Variants in CENPE observed in about 807,000 individuals in gnomAD.
The protein encoded by CENPE is centromere-associated protein E.
CENPE carries 145 observed loss-of-function variants against 336.1 expected under a neutral mutation model. The observed-to-expected ratio is 0.43, with a 90% CI of 0.38 to 0.50. CENPE has a LOEUF of 0.50. Ranked by LOEUF, CENPE falls within the 20% of genes least tolerant of loss-of-function variation. The probability of loss-of-function intolerance (pLI) is 0.00; values close to 1 mark genes in which losing one functional copy is unlikely to be tolerated. For missense variants in CENPE, 2,719 were observed against 3,023.3 expected (o/e 0.90, Z 2.36); for synonymous variants, 1,013 against 984.8 (o/e 1.03, Z -0.54).
chr4:103,135,928 T>G (rs1752029314), intron 40 of CENPE, among the ~76,000 whole-genome samples: 1 of 152,222 alleles, frequency 6.6e-6, no homozygotes, highest in Admixed American at 6.5e-5. Flanking sequence ...AACTCACATC[T>G]GCCTCCTGAA....
At chr4:103,112,659 T>C (rs561748455) in intron 46 of CENPE, among the ~76,000 whole-genome samples, 1 of 135,706 alleles carries the variant, frequency 7.4e-6, no homozygotes, top group East Asian at 2.1e-4. Context: ...CTTATAAGTA[T>C]ATATAAGTCT....
At chr4:103,174,628 T>G in intron 16 of CENPE, 108 bp downstream of exon 16, 1 of 722,066 alleles carries the variant, frequency 1.4e-6, no homozygotes, top group Non-Finnish European at 2.1e-6. Context: ...ACATAAAATG[T>G]TATCTGTACA....
intron 11 of CENPE, among the ~76,000 whole-genome samples, 189 bp downstream of exon 11, chr4:103,182,573 A>C (rs1756413574): frequency 2.0e-5 from 3 of 152,194 alleles, no homozygotes; most frequent in African/African-American, 7.2e-5. Flanking sequence ...GTGTGGCAAA[A>C]ATTATGAAGG....
chr4:103,124,957 C>T (rs1750968810), intron 42 of CENPE, among the ~76,000 whole-genome samples: 1 of 152,132 alleles, frequency 6.6e-6, no homozygotes. Context: ...AGTAGAAATC[C>T]CTGCTTTCTA....
At chr4:103,139,329 CT>C (rs1434475469) in intron 38 of CENPE, among the ~76,000 whole-genome samples, 4 of 152,050 alleles carry the variant, frequency 2.6e-5, no homozygotes, top group Non-Finnish European at 4.4e-5. Flanking sequence ...ATATATGATT[CT>C]GAATATCTAT....
Position 103,159,299 on chromosome 4 carries a change from T to C in CENPE, c.2312A>G (p.His771Arg), listed in dbSNP as rs774151339. ...KEIQDKSEEL[H>R]IITSEKDKLF... Reference sequence around the variant, plus strand: ...TTTATCTTTTTCTGATGTTATTATATGGAGCTCTTCAGATTTGTCTTGTAT... The same window carrying C: ...TTTATCTTTTTCTGATGTTATTATACGGAGCTCTTCAGATTTGTCTTGTAT... Residue 771 changes from histidine to arginine, a missense_variant, in exon 22 of 49, where the codon CAT (histidine) becomes CGT (arginine). This residue lies in a region of CENPE where 2,437 missense variants were observed against 2,513.3 expected (regional missense o/e 0.97). Coordinates refer to ENST00000265148, the MANE Select transcript of CENPE (RefSeq NM_001813.3). 1.4e-5 allele frequency: 22 copies of C among 1,540,836 alleles called. No individual in the cohort carries two copies. Among genetic ancestry groups the C allele is most frequent in the Admixed American group, 2.1e-5 (1 of 48,450 alleles).
Position 103,191,585 on chromosome 4 carries a change from T to G in CENPE, c.693+2644A>C, listed in dbSNP as rs1353428379. Among the ~76,000 whole-genome samples, 307 of 132,864 alleles carry G rather than the reference T, an allele frequency of 2.3e-3. 2 individuals carry two copies. Among genetic ancestry groups the G allele is most frequent in the Non-Finnish European group, 3.9e-3 (258 of 65,614 alleles). 87.2% of individuals were successfully genotyped at this position (132,864 alleles called of 152,430 possible). A position where few individuals can be genotyped will look rare whatever the true frequency, so the allele number is the denominator to read the frequency against. On this transcript the variant is annotated intron_variant, in intron 8 of 48. Coordinates refer to ENST00000265148, the MANE Select transcript of CENPE (RefSeq NM_001813.3). ...ACACCGCATGTTCTCACTCATAGGTTGGAACTGAACAATGAGAACACGTGG... is the reference window on the plus strand; with the variant it reads ...ACACCGCATGTTCTCACTCATAGGTGGGAACTGAACAATGAGAACACGTGG...
intron 21 of CENPE, among the ~76,000 whole-genome samples, chr4:103,160,290 G>A (rs1249745274): frequency 6.6e-6 from 1 of 151,668 alleles, no homozygotes. Context: ...TCAACATAAT[G>A]ATACTACTAC....
chr4:103,180,230 T>C, intron 13 of CENPE, 81 bp downstream of exon 13: 1 of 1,264,594 alleles, frequency 7.9e-7, no homozygotes, highest in African/African-American at 1.5e-5. Flanking sequence ...GGATAGAAAG[T>C]GCATACTATA....
intron 10 of CENPE, 139 bp downstream of exon 10, chr4:103,183,062 A>C: frequency 1.2e-6 from 1 of 866,204 alleles, no homozygotes. Context: ...AAGTAAATTC[A>C]GTAGATTATA....
At chr4:103,141,637 T>A (rs1752568960) in intron 35 of CENPE, 113 bp downstream of exon 35, 1 of 680,218 alleles carries the variant, frequency 1.5e-6, no homozygotes, top group Admixed American at 3.3e-5. Context: ...ACATCCAGCA[T>A]TAGTAAATAC....
At chr4:103,114,373 T>TTA in intron 46 of CENPE, 82 bp downstream of exon 46, 1 of 813,304 alleles carries the variant, frequency 1.2e-6, no homozygotes, top group Non-Finnish European at 2.1e-6. Context: ...GACTGTCACA[T>TTA]ACTACATAAT....
chr4:103,143,251 T>A lies in CENPE; in HGVS notation c.5301A>T (p.Ala1767=). The A allele has an allele frequency of 6.3e-7, 1 of 1,578,688 alleles. No individual in the cohort carries two copies. The highest frequency in any genetic ancestry group is 8.6e-7 in the Non-Finnish European group (1 of 1,166,392). The change falls in exon 34 of 49, where the codon GCA becomes GCT. Residue 1767 remains alanine (A), a synonymous_variant. Coordinates refer to ENST00000265148, the MANE Select transcript of CENPE (RefSeq NM_001813.3). ...AGATAACTTAAAAATAAAATACCTGTGCTTTTAAGGCATCATTTGAGTGTT... is the reference window on the plus strand; with the variant it reads ...AGATAACTTAAAAATAAAATACCTGAGCTTTTAAGGCATCATTTGAGTGTT... ...DLEHSNDALK[A]QDLKIQEELR...
Position 103,159,290 on chromosome 4 carries a change from GTTA to G in CENPE, c.2318_2320del (p.Ile773del). On this transcript the variant is annotated inframe_deletion, in exon 22 of 49. Coordinates refer to ENST00000265148, the MANE Select transcript of CENPE (RefSeq NM_001813.3). ...AGAAAACAATTTATCTTTTTCTGAT[GTTA>G]TTATATGGAGCTCTTCAGATTTGTC... 2 of 1,559,820 alleles carry G rather than the reference GTTA, an allele frequency of 1.3e-6. No individual in the cohort carries two copies. Among genetic ancestry groups the G allele is most frequent in the Non-Finnish European group, 1.7e-6 (2 of 1,153,786 alleles).
intron 22 of CENPE, 45 bp downstream of exon 22, chr4:103,158,965 C>A: frequency 6.5e-7 from 1 of 1,534,566 alleles, no homozygotes; most frequent in African/African-American, 1.4e-5. Context: ...AACCAAAACC[C>A]CAGAAGACTA....
chr4:103,145,687 T>C lies in CENPE; in HGVS notation c.4414-6A>G. 1 of 1,569,294 alleles carries C rather than the reference T, an allele frequency of 6.4e-7. No individual in the cohort carries two copies. Among genetic ancestry groups the C allele is most frequent in the Non-Finnish European group, 8.6e-7 (1 of 1,166,280 alleles). ...TCCTCTTCAGTTTCCAGGTGCTTTA[T>C]TATTAGAGGAAATTCCAATAAATTT... On this transcript the variant is annotated splice_region_variant and splice_polypyrimidine_tract_variant and intron_variant, in intron 30 of 48. Coordinates refer to ENST00000265148, the MANE Select transcript of CENPE (RefSeq NM_001813.3).
At chr4:103,182,974 A>T in intron 10 of CENPE, 83 bp from the exon 11 acceptor site, 6 of 1,365,380 alleles carry the variant, frequency 4.4e-6, no homozygotes, top group Non-Finnish European at 6.0e-6. Flanking sequence ...CAGAACTCTT[A>T]AATCAGCCAG....
At chr4:103,186,223 T>A (rs1032594753) in intron 8 of CENPE, among the ~76,000 whole-genome samples, 1 of 152,248 alleles carries the variant, frequency 6.6e-6, no homozygotes, top group African/African-American at 2.4e-5. Flanking sequence ...ACACCCCATG[T>A]ACTTCTACAC....
chr4:103,173,572 A>G (rs1755596733), intron 16 of CENPE, among the ~76,000 whole-genome samples: 2 of 151,962 alleles, frequency 1.3e-5, no homozygotes, highest in Non-Finnish European at 2.9e-5. Context: ...AATATTTGCA[A>G]TATTTGCAGA....
Sources: allele counts gnomAD v4.1 joint callset (sites outside exome capture counted in the v4.1 genomes callset), GRCh38; gene constraint gnomAD v4.1.1; regional missense constraint gnomAD v4.1.1; transcripts MANE v1.5; gene names NCBI Gene and HGNC (gene_info 2026-07-23, HGNC 2026-07-21).